Variants in IMMP2L observed in about 807,000 individuals in gnomAD.
IMMP2L encodes mitochondrial inner membrane protease subunit 2.
Under a neutral mutation model 19.3 loss-of-function variants are expected in IMMP2L, and 18 were observed. That is an observed-to-expected ratio of 0.93 (90% CI 0.64 to 1.38). IMMP2L has a LOEUF of 1.38. IMMP2L is among the 40% of genes most tolerant of loss of function. IMMP2L has a pLI of 0.00. For synonymous variants in IMMP2L, 76 were observed against 73.0 expected (o/e 1.04, Z -0.21); for missense variants, 233 against 218.2 (o/e 1.07, Z -0.43).
chr7:111,030,290 C>G (rs951696308), intron 3 of IMMP2L, among the ~76,000 whole-genome samples: 2 of 151,906 alleles, frequency 1.3e-5, no homozygotes, highest in Non-Finnish European at 2.9e-5. Flanking sequence ...GAAAAAAAAG[C>G]CTATAATATG....
intron 3 of IMMP2L, among the ~76,000 whole-genome samples, chr7:111,442,503 A>G (rs1837846016): frequency 6.6e-6 from 1 of 151,756 alleles, no homozygotes; most frequent in Non-Finnish European, 1.5e-5. Context: ...ACTTTCATCA[A>G]TGCCAGAATA....
At chr7:111,325,427 T>C (rs930547797) in intron 3 of IMMP2L, among the ~76,000 whole-genome samples, 2 of 151,696 alleles carry the variant, frequency 1.3e-5, no homozygotes, top group African/African-American at 4.8e-5. Context: ...ATGTTTTAAT[T>C]CCATTTTTTC....
rs143008489 is a variant in IMMP2L, at chr7:110,874,789, A to C, written c.408+11804T>G. On this transcript the variant is annotated intron_variant, in intron 5 of 5. Coordinates refer to ENST00000405709, the MANE Select transcript of IMMP2L (RefSeq NM_032549.4). ...CAGAATGCCACAGATTGGGTAATTTATAATAAAAAATATATTGACTCACAG... is the reference window on the plus strand; with the variant it reads ...CAGAATGCCACAGATTGGGTAATTTCTAATAAAAAATATATTGACTCACAG... 7.0e-3 allele frequency among the ~76,000 whole-genome samples: 1,072 copies of C among 152,208 alleles called. 8 individuals carry two copies. The highest frequency in any genetic ancestry group is 0.022 in the African/African-American group (926 of 41,548).
At chr7:111,170,319 G>A (rs1014039559) in intron 3 of IMMP2L, among the ~76,000 whole-genome samples, 1 of 151,800 alleles carries the variant, frequency 6.6e-6, no homozygotes, top group Non-Finnish European at 1.5e-5. Context: ...GAAACAACAG[G>A]TAGATTGGCA....
At chr7:111,364,013 C>T (rs900596941) in intron 3 of IMMP2L, among the ~76,000 whole-genome samples, 1 of 152,044 alleles carries the variant, frequency 6.6e-6, no homozygotes, top group African/African-American at 2.4e-5. Flanking sequence ...CCCCCACACA[C>T]ACACATCTAC....
At chr7:111,556,018 G>GTGTGTATATATATATATATATATATA (rs777862357) in intron 1 of IMMP2L, among the ~76,000 whole-genome samples, 4,370 of 90,830 alleles carry the variant, frequency 0.048, 531 homozygotes, top group Admixed American at 0.078. Flanking sequence ...CTGTGTGCAT[G>GTGTGTATATATATATATATATATATA]TATATATATA....
chr7:110,862,346 T>A (rs1179246533), intron 5 of IMMP2L, among the ~76,000 whole-genome samples: 3 of 151,722 alleles, frequency 2.0e-5, no homozygotes, highest in African/African-American at 4.9e-5. Context: ...ATACATTTTT[T>A]ATTTTTTTTT....
At chr7:111,224,728 T>G (rs1812893453) in intron 3 of IMMP2L, among the ~76,000 whole-genome samples, 1 of 151,988 alleles carries the variant, frequency 6.6e-6, no homozygotes, top group Non-Finnish European at 1.5e-5. Flanking sequence ...TATTTACCCT[T>G]TTTGATATGT....
chr7:111,077,650 G>C (rs1198727329), intron 3 of IMMP2L, among the ~76,000 whole-genome samples: 6 of 152,188 alleles, frequency 3.9e-5, no homozygotes, highest in African/African-American at 1.4e-4. Context: ...TAGCAGCCTA[G>C]TGAGTTTTGA....
chr7:111,345,415 C>G (rs1827439684), intron 3 of IMMP2L, among the ~76,000 whole-genome samples: 1 of 152,076 alleles, frequency 6.6e-6, no homozygotes, highest in Non-Finnish European at 1.5e-5. Flanking sequence ...TGGACTGTCT[C>G]CTGGGGTTTA....
chr7:111,070,069 C>G (rs1410893801), intron 3 of IMMP2L, among the ~76,000 whole-genome samples: 2 of 151,796 alleles, frequency 1.3e-5, no homozygotes, highest in African/African-American at 4.8e-5. Flanking sequence ...GGAAGGAAAA[C>G]AGTTTTTAGC....
At chr7:111,116,287 G>A (rs1053753010) in intron 3 of IMMP2L, among the ~76,000 whole-genome samples, 13 of 151,958 alleles carry the variant, frequency 8.6e-5, no homozygotes, top group African/African-American at 2.4e-4. Context: ...ACATGACAAG[G>A]ACATAAAATA....
chr7:111,057,872 G>A (rs968585259), intron 3 of IMMP2L, among the ~76,000 whole-genome samples: 7 of 151,990 alleles, frequency 4.6e-5, no homozygotes, highest in African/African-American at 1.5e-4. Context: ...AAACATTCTT[G>A]TTCATGAGGA....
At chr7:111,056,297 C>T (rs966128636) in intron 3 of IMMP2L, among the ~76,000 whole-genome samples, 1 of 152,130 alleles carries the variant, frequency 6.6e-6, no homozygotes, top group Non-Finnish European at 1.5e-5. Context: ...CAGAACATGG[C>T]AATTTTGCTC....
intron 3 of IMMP2L, among the ~76,000 whole-genome samples, chr7:111,453,942 A>T (rs2131943218): frequency 6.6e-6 from 1 of 152,262 alleles, no homozygotes; most frequent in South Asian, 2.1e-4. Flanking sequence ...CAGACTTTCA[A>T]ATGTAAAGGG....
At chr7:110,743,177 G>C (rs905106425) in intron 5 of IMMP2L, among the ~76,000 whole-genome samples, 1 of 152,126 alleles carries the variant, frequency 6.6e-6, no homozygotes, top group African/African-American at 2.4e-5. Context: ...TAGTTTTATA[G>C]GTCTAGTGTT....
At chr7:110,684,937 G>C (rs899037634) in intron 5 of IMMP2L, among the ~76,000 whole-genome samples, 2 of 152,002 alleles carry the variant, frequency 1.3e-5, no homozygotes, top group Non-Finnish European at 2.9e-5. Context: ...TGAAACAACA[G>C]TTCCAAATTT....
At chr7:111,312,174 T>C (rs1823592671) in intron 3 of IMMP2L, among the ~76,000 whole-genome samples, 1 of 152,126 alleles carries the variant, frequency 6.6e-6, no homozygotes, top group Non-Finnish European at 1.5e-5. Context: ...AGAGGGAATT[T>C]AATCTCCTTA....
intron 3 of IMMP2L, chr7:111,122,730 G>C: frequency 6.7e-7 from 1 of 1,489,872 alleles, no homozygotes. Flanking sequence ...ACTGACTGTG[G>C]AATCCTTAAG....
Sources: gnomAD v4.1 joint callset for allele counts (sites outside exome capture counted in the v4.1 genomes callset) on GRCh38, gnomAD v4.1.1 for gene constraint, MANE v1.5 for transcripts, NCBI Gene and HGNC (gene_info 2026-07-23, HGNC 2026-07-21) for gene names.